The following FRY variants were observed in gnomAD, a reference collection of about 807,000 sequenced individuals.
FRY encodes FRY microtubule binding protein, also known as protein furry homolog.
Under a neutral mutation model 348.4 loss-of-function variants are expected in FRY, and 128 were observed. The ratio of observed to expected loss-of-function variants is 0.37; its 90% CI spans 0.32 to 0.43. The LOEUF (loss-of-function observed/expected upper bound fraction) is 0.43. FRY is among the 20% of genes least tolerant of loss of function. The pLI is 1.00. For missense variants in FRY, 2,736 were observed against 3,695.2 expected, an observed-to-expected ratio of 0.74 and a Z score of 6.73; for synonymous variants, 1,370 against 1,374.7, an observed-to-expected ratio of 1.00 and a Z score of 0.08.
chr13:32,144,295 A>G (rs570971287), intron 11 of FRY, among the ~76,000 whole-genome samples: 6 of 151,320 alleles, frequency 4.0e-5, no homozygotes, highest in African/African-American at 1.5e-4. Flanking sequence ...CTAAACAAAT[A>G]GCTATAAAGT....
At chr13:32,203,609 G>T (rs556872266) in intron 31 of FRY, among the ~76,000 whole-genome samples, 2 of 152,202 alleles carry the variant, frequency 1.3e-5, no homozygotes, top group Admixed American at 6.5e-5. Flanking sequence ...TCTAGTCCCA[G>T]CTACTCAGGA....
At chr13:32,184,345 T>G (rs1345969491) in intron 24 of FRY, among the ~76,000 whole-genome samples, 1 of 152,202 alleles carries the variant, frequency 6.6e-6, no homozygotes, top group Admixed American at 6.5e-5. Context: ...TGGGAGCATC[T>G]GGGAAATGAG....
At chr13:32,291,906 G>A in intron 59 of FRY, 1 of 417,278 alleles carries the variant, frequency 2.4e-6, no homozygotes, top group Non-Finnish European at 4.8e-6. Context: ...CTGAATTGCT[G>A]CAGTCTTATG....
At chr13:32,293,993 C>G (rs975033152) in intron 59 of FRY, among the ~76,000 whole-genome samples, 5 of 152,208 alleles carry the variant, frequency 3.3e-5, no homozygotes, top group African/African-American at 1.2e-4. Context: ...AGTCAGTTAA[C>G]TTGTCCATCT....
intron 37 of FRY, 119 bp from the exon 38 acceptor site, chr13:32,224,813 TA>T (rs1210157560): frequency 9.7e-6 from 7 of 725,198 alleles, no homozygotes; most frequent in Non-Finnish European, 1.5e-5. Flanking sequence ...TTCCCCCGAA[TA>T]AGAGCCTTAT....
At chr13:32,178,799 A>G in intron 21 of FRY, 45 bp from the exon 22 acceptor site, 1 of 1,288,288 alleles carries the variant, frequency 7.8e-7, no homozygotes, top group Non-Finnish European at 1.1e-6. Flanking sequence ...GATATTTAAA[A>G]TCCAGAACTT....
intron 59 of FRY, among the ~76,000 whole-genome samples, chr13:32,292,790 C>CAATA (rs111702874): frequency 0.65 from 91,530 of 140,882 alleles, 30,753 homozygotes; most frequent in Non-Finnish European, 0.72. Flanking sequence ...GACTCCATCT[C>CAATA]AATAAATAAA....
chr13:32,262,844 G>A (rs1406314349), intron 53 of FRY, among the ~76,000 whole-genome samples: 1 of 151,464 alleles, frequency 6.6e-6, no homozygotes, highest in African/African-American at 2.4e-5. Context: ...TAAGTGAGGT[G>A]TGGGTGTATG....
intron 32 of FRY, 100 bp from the exon 33 acceptor site, chr13:32,209,485 A>AT: frequency 1.8e-6 from 2 of 1,141,450 alleles, no homozygotes; most frequent in Non-Finnish European, 1.3e-6. Context: ...CCTTCTTATG[A>AT]TTTTGAGACG....
chr13:32,146,798 C>T (rs923068476), intron 11 of FRY, among the ~76,000 whole-genome samples: 9 of 152,308 alleles, frequency 5.9e-5, no homozygotes, highest in African/African-American at 2.2e-4. Context: ...TATCTTTTAT[C>T]TCTGCATCTC....
At chr13:32,119,404 T>C (rs868682623) in intron 4 of FRY, among the ~76,000 whole-genome samples, 6 of 152,356 alleles carry the variant, frequency 3.9e-5, no homozygotes, top group Admixed American at 2.0e-4. Flanking sequence ...GCAGTTAGAC[T>C]GCAAACCAGC....
intron 59 of FRY, among the ~76,000 whole-genome samples, chr13:32,290,578 G>A (rs1313378814): frequency 6.6e-6 from 1 of 151,998 alleles, no homozygotes; most frequent in Non-Finnish European, 1.5e-5. Context: ...AGGCAGAAGA[G>A]AGAGGGGTAA....
intron 1 of FRY, among the ~76,000 whole-genome samples, chr13:32,056,115 C>T (rs453109): frequency 0.62 from 92,611 of 150,310 alleles, 29,145 homozygotes; most frequent in Non-Finnish European, 0.67. Context: ...CACTGGAACC[C>T]GGGAGGCGGA....
At chr13:32,116,696 C>T (rs1327866722) in intron 3 of FRY, among the ~76,000 whole-genome samples, 1 of 151,940 alleles carries the variant, frequency 6.6e-6, no homozygotes, top group East Asian at 1.9e-4. Context: ...GTTAAAAAAT[C>T]AGGACTCTTT....
intron 1 of FRY, among the ~76,000 whole-genome samples, chr13:32,044,786 A>G (rs548286902): frequency 1.7e-4 from 26 of 152,348 alleles, no homozygotes; most frequent in African/African-American, 5.3e-4. Context: ...TGCCACCCTG[A>G]TAGACTTGCT....
chr13:32,293,306 T>C (rs1032974484), intron 59 of FRY, among the ~76,000 whole-genome samples: 1 of 152,212 alleles, frequency 6.6e-6, no homozygotes, highest in Non-Finnish European at 1.5e-5. Flanking sequence ...CAAACAAAAT[T>C]AAGATACTCT....
At chr13:32,070,332 A>G (rs1014885464) in intron 1 of FRY, among the ~76,000 whole-genome samples, 9 of 152,312 alleles carry the variant, frequency 5.9e-5, no homozygotes, top group African/African-American at 1.9e-4. Context: ...CACTCCCACC[A>G]ACAATGTAAA....
intron 55 of FRY, among the ~76,000 whole-genome samples, chr13:32,272,276 G>A (rs1888244594): frequency 6.6e-6 from 1 of 152,178 alleles, no homozygotes; most frequent in Admixed American, 6.5e-5. Context: ...TGTTAGGTTG[G>A]ATTTTGGAAG....
chr13:32,254,163 T>C, intron 50 of FRY, 61 bp from the exon 51 acceptor site: 1 of 1,546,336 alleles, frequency 6.5e-7, no homozygotes, highest in Non-Finnish European at 8.9e-7. Flanking sequence ...AATTACAATT[T>C]TTCGTAGCAC....
Sources: allele counts gnomAD v4.1 joint callset (sites outside exome capture counted in the v4.1 genomes callset), GRCh38; gene constraint gnomAD v4.1.1; transcripts MANE v1.5; gene names NCBI Gene and HGNC (gene_info 2026-07-23, HGNC 2026-07-21).